PREX2: variants seen among roughly 807,000 people sequenced by gnomAD.
The protein encoded by PREX2 is phosphatidylinositol-3,4,5-trisphosphate dependent Rac exchange factor 2.
PREX2 carries 107 observed loss-of-function variants against 203.2 expected under a neutral mutation model. That is an observed-to-expected ratio of 0.53 (90% confidence interval 0.45 to 0.62). The LOEUF (loss-of-function observed/expected upper bound fraction) is 0.62. Among genes scored for constraint, PREX2 ranks in the 20% least tolerant of loss-of-function variants. PREX2 has a pLI of 0.00. For synonymous variants in PREX2, 672 were observed against 663.6 expected (o/e 1.01, Z -0.19); for missense variants, 1,777 against 1,955.9 (o/e 0.91, Z 1.72).
At chr8:68,156,720 G>A (rs189583885) in intron 34 of PREX2, among the ~76,000 whole-genome samples, 6 of 152,162 alleles carry the variant, frequency 3.9e-5, no homozygotes, top group South Asian at 4.1e-4. Context: ...GAGAAGAAGG[G>A]TCTAGGGAAG....
intron 39 of PREX2, among the ~76,000 whole-genome samples, chr8:68,226,872 G>A (rs1453705080): frequency 6.6e-6 from 1 of 152,166 alleles, no homozygotes; most frequent in Non-Finnish European, 1.5e-5. Context: ...GAATACTCCT[G>A]GGCCTGTCAG....
chr8:68,182,772 G>T (rs1812110479), intron 35 of PREX2, among the ~76,000 whole-genome samples: 1 of 151,894 alleles, frequency 6.6e-6, no homozygotes, highest in South Asian at 2.1e-4. Flanking sequence ...TAAAAAATGG[G>T]TCTCTGCCCA....
chr8:67,980,031 T>C (rs1045971355), intron 1 of PREX2, among the ~76,000 whole-genome samples: 4 of 152,110 alleles, frequency 2.6e-5, no homozygotes, highest in Non-Finnish European at 4.4e-5. Context: ...TCCAGGAAGT[T>C]TTACAGCACA....
chr8:67,970,390 A>G (rs538934665), intron 1 of PREX2, among the ~76,000 whole-genome samples: 27 of 152,330 alleles, frequency 1.8e-4, no homozygotes, highest in Non-Finnish European at 3.4e-4. Context: ...GAAATAGTGT[A>G]ATGACCATCA....
chr8:68,184,752 G>A (rs184202190), intron 35 of PREX2, among the ~76,000 whole-genome samples: 165 of 151,982 alleles, frequency 1.1e-3, no homozygotes, highest in African/African-American at 3.9e-3. Context: ...GCCAAGAAAC[G>A]GGGGGAAAAA....
chr8:68,121,196 G>T, intron 30 of PREX2, 147 bp downstream of exon 30: 1 of 790,582 alleles, frequency 1.3e-6, no homozygotes, highest in Non-Finnish European at 2.1e-6. Context: ...GGTGAGGGAG[G>T]AAGAGGGCAA....
intron 35 of PREX2, among the ~76,000 whole-genome samples, chr8:68,169,138 G>A (rs1045666295): frequency 6.6e-6 from 1 of 152,052 alleles, no homozygotes; most frequent in Non-Finnish European, 1.5e-5. Context: ...TTTCCTCTGT[G>A]TGGCCTTCCT....
At chr8:68,156,100 C>T (rs1054333074) in intron 34 of PREX2, among the ~76,000 whole-genome samples, 2 of 152,058 alleles carry the variant, frequency 1.3e-5, no homozygotes, top group Admixed American at 1.3e-4. Flanking sequence ...TTACTCTGTC[C>T]CCCAGACTGG....
At chr8:68,150,457 G>A (rs759731947) in intron 34 of PREX2, among the ~76,000 whole-genome samples, 2 of 152,044 alleles carry the variant, frequency 1.3e-5, no homozygotes, top group Non-Finnish European at 2.9e-5. Flanking sequence ...CATCCCGGAG[G>A]GGCTTGATCC....
chr8:67,953,265 C>T (rs899365399), intron 1 of PREX2, among the ~76,000 whole-genome samples: 1 of 147,020 alleles, frequency 6.8e-6, no homozygotes, highest in Non-Finnish European at 1.5e-5. Flanking sequence ...AATCAAGCTT[C>T]GGGACTTCGT....
rs531660491 is a variant in PREX2 at position 68,102,473 on chromosome 8, T to A, written c.2715+2630T>A. On this transcript the variant is annotated intron_variant, in intron 23 of 39. Coordinates refer to ENST00000288368, the MANE Select transcript of PREX2 (RefSeq NM_024870.4). ...AGGATCTTTTCAATTTGAATAAGAT[T>A]TAGGTGTCTAAGATGGTAGCCCTAA... Among the ~76,000 whole-genome samples, 14 of 152,330 alleles carry A rather than the reference T, an allele frequency of 9.2e-5. No homozygotes were observed. The East Asian group carries it at 2.7e-3, about 29-fold the overall frequency.
chr8:68,076,389 G>A (rs578027685), intron 14 of PREX2, among the ~76,000 whole-genome samples: 10 of 152,122 alleles, frequency 6.6e-5, no homozygotes, highest in East Asian at 5.8e-4. Flanking sequence ...CCAGGGAGGC[G>A]GACGTTGCGG....
At chr8:68,157,128 A>G (rs908928524) in intron 34 of PREX2, among the ~76,000 whole-genome samples, 194 bp from the exon 35 acceptor site, 5 of 152,164 alleles carry the variant, frequency 3.3e-5, no homozygotes, top group Non-Finnish European at 7.3e-5. Flanking sequence ...GGACAGAAAA[A>G]TCACCAAATG....
intron 34 of PREX2, among the ~76,000 whole-genome samples, chr8:68,151,454 G>T (rs1005632471): frequency 6.6e-6 from 1 of 152,046 alleles, no homozygotes; most frequent in Non-Finnish European, 1.5e-5. Context: ...ACATTTGTAG[G>T]CCCCAAGGGG....
chr8:68,059,734 G>T (rs1808788278), intron 10 of PREX2, among the ~76,000 whole-genome samples: 1 of 152,112 alleles, frequency 6.6e-6, no homozygotes, highest in African/African-American at 2.4e-5. Flanking sequence ...TGAGGCTCTG[G>T]GGAAAAGTTC....
intron 1 of PREX2, among the ~76,000 whole-genome samples, chr8:67,966,232 A>G (rs11778986): frequency 0.12 from 17,584 of 152,190 alleles, 1,300 homozygotes; most frequent in Middle Eastern, 0.17. Context: ...CAGCTAGGAT[A>G]TTTGAATAAA....
At chr8:68,148,783 A>G (rs1356942118) in intron 34 of PREX2, among the ~76,000 whole-genome samples, 1 of 152,250 alleles carries the variant, frequency 6.6e-6, no homozygotes, top group Non-Finnish European at 1.5e-5. Flanking sequence ...GGTAAACAAG[A>G]TGGAAAACAT....
chr8:68,052,072 A>G (rs1808540605), intron 8 of PREX2, among the ~76,000 whole-genome samples: 1 of 152,198 alleles, frequency 6.6e-6, no homozygotes. Context: ...CAAAAACTTA[A>G]TAAAATAGAT....
In PREX2 at chr8:68,030,572, G is replaced by C; in HGVS notation, c.619G>C (p.Val207Leu). ...VMEALQAMKA[V>L]CSNINEAKRQ... ...GGAAGCCCTCCAAGCCATGAAAGCT[G>C]TCTGTTCCAACATAAACGAGGCCAA... Residue 207 changes from valine to leucine, a missense_variant, in exon 6 of 40, where the codon GTC becomes CTC. By Grantham distance (32) the Val-to-Leu change is conservative. Coordinates refer to ENST00000288368, the MANE Select transcript of PREX2 (RefSeq NM_024870.4). 6.2e-7 allele frequency: 1 copy of C among 1,613,748 alleles called. No individual in the cohort carries two copies. The highest frequency in any genetic ancestry group is 8.5e-7 in the Non-Finnish European group (1 of 1,179,728).
Sources: gnomAD v4.1 joint callset for allele counts (sites outside exome capture counted in the v4.1 genomes callset) on GRCh38, gnomAD v4.1.1 for gene constraint, MANE v1.5 for transcripts, NCBI Gene and HGNC (gene_info 2026-07-23, HGNC 2026-07-21) for gene names.